The following FBLN1 variants were observed in gnomAD, a reference collection of about 807,000 sequenced individuals.
FBLN1 encodes fibulin-1.
FBLN1 carries 34 observed loss-of-function variants against 89.7 expected under a neutral mutation model. The ratio of observed to expected loss-of-function variants is 0.38; its 90% confidence interval spans 0.29 to 0.50. The LOEUF (loss-of-function observed/expected upper bound fraction) is 0.50, where lower values mean the gene tolerates loss of function less well. Ranked by LOEUF, FBLN1 falls within the 20% of genes least tolerant of loss-of-function variation. The pLI is 0.92. For synonymous variants in FBLN1, 393 were observed against 391.3 expected, an observed-to-expected ratio of 1.00 and a Z score of -0.05; for missense variants, 777 against 988.1, an observed-to-expected ratio of 0.79 and a Z score of 2.86.
intron 8 of FBLN1, 157 bp downstream of exon 8, chr22:45,535,494 CT>C: frequency 1.2e-6 from 1 of 832,018 alleles, no homozygotes; most frequent in Non-Finnish European, 1.9e-6. Flanking sequence ...AGAGCAAATA[CT>C]TTAGCCGTTG....
rs1292995871 is a variant in FBLN1 at position 45,588,617 on chromosome 22, C to G, written c.1972+11509C>G. Among the ~76,000 whole-genome samples the G allele has an allele frequency of 6.6e-6, 1 of 151,660 alleles. No homozygotes were observed. The highest frequency in any genetic ancestry group is 1.5e-5 in the Non-Finnish European group (1 of 67,908). On this transcript the variant is annotated intron_variant, in intron 16 of 16. Coordinates refer to ENST00000327858, the MANE Select transcript of FBLN1 (RefSeq NM_006486.3). This position sits in a 1 kb window ranked among gnomAD's most constrained non-coding sequence, Gnocchi z 5.1. ...CACACCTGCTGACTTCCAGAGTCAC[C>G]AAGGGGTTAAAAGGGGCTGGGAACA...
intron 4 of FBLN1, among the ~76,000 whole-genome samples, chr22:45,528,812 C>G (rs929611198): frequency 6.6e-6 from 1 of 152,172 alleles, no homozygotes; most frequent in African/African-American, 2.4e-5. Context: ...CTCCGGTTGT[C>G]GGAGCCATTC....
intron 1 of FBLN1, among the ~76,000 whole-genome samples, chr22:45,505,756 ATATTAT>A (rs56256438): frequency 1.3e-5 from 2 of 151,996 alleles, no homozygotes; most frequent in African/African-American, 4.8e-5. Flanking sequence ...CATGGCAGCT[ATATTAT>A]TATTATTATT....
chr22:45,508,146 G>A (rs76332285), intron 1 of FBLN1, among the ~76,000 whole-genome samples: 21,148 of 152,098 alleles, frequency 0.14, 1,713 homozygotes, highest in Middle Eastern at 0.27. Context: ...CCTCATCAAT[G>A]AGGGGACATG....
At position 45,597,243 on chromosome 22, in the gene FBLN1, T is replaced by C. The variant is rs2089195285; in HGVS notation, c.1973-3064T>C. Among the ~76,000 whole-genome samples, 1 of 152,208 alleles carries C rather than the reference T, an allele frequency of 6.6e-6. No individual in the cohort carries two copies. The highest frequency in any genetic ancestry group is 2.4e-5 in the African/African-American group (1 of 41,436). On this transcript the variant is annotated intron_variant, in intron 16 of 16. Coordinates refer to ENST00000327858, the MANE Select transcript of FBLN1 (RefSeq NM_006486.3). This position sits in a 1 kb window ranked among gnomAD's most constrained non-coding sequence, Gnocchi z 4.2. ...GTCTCGAACTCATGGGCTTGTGATC[T>C]GCCCGCCTAAGCCTCCCAAAGTGCT...
rs911918481 is a variant in FBLN1, at chr22:45,561,702, T to A, written c.1697+11087T>A. Among the ~76,000 whole-genome samples, 1 of 152,204 alleles carries A rather than the reference T, an allele frequency of 6.6e-6. No individual in the cohort carries two copies. Among genetic ancestry groups the A allele is most frequent in the Non-Finnish European group, 1.5e-5 (1 of 68,038 alleles). ...AAAATCTGTAGTAGTTAGGGTTCTC[T>A]AGAGGGACAGAACTAACGGAATACA... On this transcript the variant is annotated intron_variant, in intron 14 of 16. Transcript: ENST00000327858. This position sits in a 1 kb window ranked among gnomAD's most constrained non-coding sequence, Gnocchi z 4.7.
intron 2 of FBLN1, 34 bp downstream of exon 2, chr22:45,518,821 C>A: frequency 6.5e-7 from 1 of 1,526,730 alleles, no homozygotes; most frequent in Non-Finnish European, 9.0e-7. Flanking sequence ...TTCACTGGAA[C>A]AATGTTCCTT....
intron 4 of FBLN1, among the ~76,000 whole-genome samples, chr22:45,529,828 T>C (rs1406092917): frequency 1.3e-5 from 2 of 152,046 alleles, no homozygotes; most frequent in Non-Finnish European, 2.9e-5. Context: ...GATGGCGCCA[T>C]TGCATTCCAG....
chr22:45,504,522 G>A (rs1779629405), intron 1 of FBLN1, among the ~76,000 whole-genome samples: 1 of 152,098 alleles, frequency 6.6e-6, no homozygotes, highest in South Asian at 2.1e-4. Context: ...AACCCCGAGG[G>A]GCCCTGGGTG....
chr22:45,540,581 CCTCT>C (rs1211315203), intron 8 of FBLN1, among the ~76,000 whole-genome samples: 1 of 152,202 alleles, frequency 6.6e-6, no homozygotes, highest in Non-Finnish European at 1.5e-5. Context: ...TTTTCCACTC[CCTCT>C]ATCAGGAAGT....
At chr22:45,514,334 A>G (rs1393537326) in intron 1 of FBLN1, among the ~76,000 whole-genome samples, 1 of 152,144 alleles carries the variant, frequency 6.6e-6, no homozygotes, top group Non-Finnish European at 1.5e-5. Context: ...TTTTGTTGGC[A>G]TCTGGAGCCA....
chr22:45,523,424 C>T (rs953419272), intron 2 of FBLN1, among the ~76,000 whole-genome samples: 6 of 152,126 alleles, frequency 3.9e-5, no homozygotes, highest in South Asian at 2.1e-4. Context: ...GCTGTGAGGC[C>T]GGGCGCAGTG....
At chr22:45,523,093 C>T (rs1236192241) in intron 2 of FBLN1, 1 of 766,686 alleles carries the variant, frequency 1.3e-6, no homozygotes, top group Admixed American at 1.7e-5. Flanking sequence ...AATTTTAGAG[C>T]CGTGGGGTTG....
At chr22:45,595,565 G>T (rs1241428777) in intron 16 of FBLN1, among the ~76,000 whole-genome samples, 2 of 143,460 alleles carry the variant, frequency 1.4e-5, no homozygotes, top group African/African-American at 5.1e-5. Context: ...CAATCAGCTT[G>T]GAGCTCTGGT....
chr22:45,547,045 G>T, intron 11 of FBLN1, 40 bp from the exon 12 acceptor site: 1 of 1,613,486 alleles, frequency 6.2e-7, no homozygotes, highest in Non-Finnish European at 8.5e-7. Flanking sequence ...AGGCAGGGAC[G>T]TATGATGCTC....
chr22:45,595,026 C>T (rs1019580108), intron 16 of FBLN1, among the ~76,000 whole-genome samples: 1 of 152,132 alleles, frequency 6.6e-6, no homozygotes, highest in Non-Finnish European at 1.5e-5. Context: ...CTGTTAAGGT[C>T]CTCTTTCATG....
intron 2 of FBLN1, chr22:45,523,298 T>C (rs2088275883): frequency 3.4e-6 from 2 of 591,868 alleles, no homozygotes; most frequent in Non-Finnish European, 6.3e-6. Flanking sequence ...ACCAGGTGGC[T>C]GAGGGGGCCA....
rs1428175400 is a variant in FBLN1, at chr22:45,536,165, C to A, written c.922+828C>A. Among the ~76,000 whole-genome samples the A allele has an allele frequency of 1.3e-5, 2 of 152,126 alleles. No individual in the cohort carries two copies. The highest frequency in any genetic ancestry group is 2.9e-5 in the Non-Finnish European group (2 of 68,028). ...CTCCAGTCTGGGCAACAGAGCAAGA[C>A]CCTGTCTCAAAAATAAAATAAAATA... On this transcript the variant is annotated intron_variant, in intron 8 of 16. Coordinates refer to ENST00000327858, the MANE Select transcript of FBLN1 (RefSeq NM_006486.3). This position sits in a 1 kb window ranked among gnomAD's most constrained non-coding sequence, Gnocchi z 5.1.
chr22:45,538,608 T>G (rs1170225108), intron 8 of FBLN1, among the ~76,000 whole-genome samples: 1 of 152,096 alleles, frequency 6.6e-6, no homozygotes. Context: ...AAGGAGAAAA[T>G]ACATCAAGAT....
Sources: gnomAD v4.1 joint callset for allele counts (sites outside exome capture counted in the v4.1 genomes callset) on GRCh38, gnomAD v4.1.1 for gene constraint, Gnocchi (gnomAD v3.1) non-coding constraint, MANE v1.5 for transcripts, NCBI Gene and HGNC (gene_info 2026-07-23, HGNC 2026-07-21) for gene names.